The following CHD9 variants were observed in gnomAD, a reference collection of about 807,000 sequenced individuals.
CHD9 encodes the protein ATP-dependent chromatin remodeler CHD9.
In CHD9, 77 loss-of-function variants were observed where a neutral mutation model predicts 316.1. The ratio of observed to expected loss-of-function variants is 0.24; its 90% CI spans 0.20 to 0.29. CHD9 has a LOEUF of 0.29. Ranked by LOEUF, CHD9 falls within the 10% of genes least tolerant of loss-of-function variation. The pLI is 1.00. For synonymous variants in CHD9, 1,129 were observed against 1,158.3 expected (o/e 0.97, Z 0.51); for missense variants, 2,763 against 3,438.1 (o/e 0.80, Z 4.91).
chr16:53,304,296 A>C lies in CHD9; in HGVS notation c.6290A>C (p.Lys2097Thr), dbSNP rs1306586676. 8 of 1,611,864 alleles carry C rather than the reference A, an allele frequency of 5.0e-6. No homozygotes were observed. Among genetic ancestry groups the C allele is most frequent in the Non-Finnish European group, 6.8e-6 (8 of 1,179,766 alleles). ...ACTGGAGACCAGAAATCTGGTGGAAAATGTGAAACAGACAGACGCATGGTT... is the reference window on the plus strand; with the variant it reads ...ACTGGAGACCAGAAATCTGGTGGAACATGTGAAACAGACAGACGCATGGTT... ...QATGDQKSGG[K>T]CETDRRMVAA... The change falls in exon 31 of 39, where the codon AAA (lysine) becomes ACA (threonine). Residue 2097 changes from lysine (K) to threonine (T), a missense_variant. Around this residue, in one of 15 missense-constraint regions of CHD9, gnomAD observed 663 missense variants for 751.2 expected, o/e 0.88. Coordinates refer to ENST00000447540, the MANE Select transcript of CHD9 (RefSeq NM_001308319.2).
At chr16:53,056,335 G>A (rs979013175) in intron 1 of CHD9, among the ~76,000 whole-genome samples, 5 of 152,164 alleles carry the variant, frequency 3.3e-5, no homozygotes, top group African/African-American at 1.2e-4. Context: ...GTGAAAATCG[G>A]GTTGCCTTGG....
chr16:53,068,810 A>G (rs1009332107), intron 1 of CHD9, among the ~76,000 whole-genome samples: 1 of 152,144 alleles, frequency 6.6e-6, no homozygotes, highest in Admixed American at 6.5e-5. Flanking sequence ...AAGTAGGGGA[A>G]ATGCCATATC....
chr16:53,209,746 A>G lies in CHD9; in HGVS notation c.1717A>G (p.Lys573Glu). The G allele has an allele frequency of 6.2e-7, 1 of 1,613,502 alleles. No individual in the cohort carries two copies. The highest frequency in any genetic ancestry group is 8.5e-7 in the Non-Finnish European group (1 of 1,179,674). The change falls in exon 3 of 39, where the codon AAG (lysine) becomes GAG (glutamate). Residue 573 changes from lysine (K) to glutamate (E), a missense_variant. Physicochemically the swap from Lys to Glu is moderately conservative, Grantham distance 56. Transcript: ENST00000447540. ...AAAGAAAGGTAGAAGGATGAAATCC[A>G]AGCCAAAGGACAAAGACAGCAAAAA... is the stretch of plus-strand genomic sequence containing the variant. ...EEKKGRRMKS[K>E]PKDKDSKKTK...
At chr16:53,087,564 G>A (rs537379030) in intron 1 of CHD9, among the ~76,000 whole-genome samples, 6 of 152,248 alleles carry the variant, frequency 3.9e-5, no homozygotes, top group African/African-American at 7.2e-5. Flanking sequence ...TGTAAAGCAG[G>A]GGTTACAATA....
intron 1 of CHD9, among the ~76,000 whole-genome samples, chr16:53,068,442 T>A (rs1016509485): frequency 6.6e-6 from 1 of 152,110 alleles, no homozygotes; most frequent in African/African-American, 2.4e-5. Context: ...TGCCTCTCAG[T>A]CACACAGTAC....
intron 19 of CHD9, among the ~76,000 whole-genome samples, chr16:53,260,023 T>C (rs762928244): frequency 7.2e-5 from 11 of 152,194 alleles, no homozygotes; most frequent in Non-Finnish European, 1.6e-4. Context: ...TGTGAAAAAT[T>C]TGTTCTGAAA....
At chr16:53,146,215 G>A (rs1460220113) in intron 1 of CHD9, among the ~76,000 whole-genome samples, 11 of 125,568 alleles carry the variant, frequency 8.8e-5, no homozygotes, top group Admixed American at 5.0e-4. Context: ...GTGAAACCCC[G>A]TCTCTACTAA....
intron 1 of CHD9, among the ~76,000 whole-genome samples, chr16:53,147,531 A>G (rs771639936): frequency 1.9e-4 from 29 of 152,092 alleles, no homozygotes; most frequent in South Asian, 4.1e-4. Flanking sequence ...CCTAGCCCCA[A>G]TAACCTCTAA....
intron 2 of CHD9, among the ~76,000 whole-genome samples, chr16:53,166,098 C>G (rs2042251960): frequency 6.6e-6 from 1 of 152,086 alleles, no homozygotes; most frequent in African/African-American, 2.4e-5. Context: ...TGGACTACTT[C>G]TTGGTTTTGT....
At chr16:53,211,228 G>A (rs1329318925) in intron 3 of CHD9, among the ~76,000 whole-genome samples, 1 of 151,924 alleles carries the variant, frequency 6.6e-6, no homozygotes, top group African/African-American at 2.4e-5. Context: ...AACTTGGGAA[G>A]GAACAGCTAA....
chr16:53,235,069 A>G (rs756098109), intron 10 of CHD9, 116 bp from the exon 11 acceptor site: 1 of 671,968 alleles, frequency 1.5e-6, no homozygotes, highest in Non-Finnish European at 2.3e-6. Flanking sequence ...GTAAAAGTTA[A>G]TCATAACACT....
At chr16:53,194,314 A>T (rs1265383992) in intron 2 of CHD9, among the ~76,000 whole-genome samples, 2 of 152,184 alleles carry the variant, frequency 1.3e-5, no homozygotes, top group African/African-American at 4.8e-5. Context: ...GCAGTGGCTC[A>T]TGCCTATAAT....
intron 2 of CHD9, among the ~76,000 whole-genome samples, chr16:53,184,666 G>T (rs2043831820): frequency 1.3e-5 from 2 of 152,084 alleles, no homozygotes; most frequent in African/African-American, 4.8e-5. Flanking sequence ...AGTTAGATGG[G>T]TGCCATGTAG....
chr16:53,268,154 A>T, intron 22 of CHD9, 28 bp downstream of exon 22: 1 of 1,481,404 alleles, frequency 6.8e-7, no homozygotes. Context: ...TTTGCTTTTA[A>T]AATTTATTTT....
chr16:53,167,197 T>A (rs2042327517), intron 2 of CHD9, among the ~76,000 whole-genome samples: 1 of 152,224 alleles, frequency 6.6e-6, no homozygotes, highest in African/African-American at 2.4e-5. Context: ...AATTTTAATG[T>A]CTAAATTTTT....
Position 53,226,379 on chromosome 16 carries a change from A to G in CHD9, c.1910A>G (p.Asn637Ser). ...KDQDSQKRRS[N>S]RQIKRKKYAE... The stretch of plus-strand genomic sequence containing the variant: ...GGTTCATTACAGAAAAGAAGATCAA[A>G]TCGACAAATTAAAAGAAAAAAATAC... Residue 637 changes from asparagine (N) to serine (S), a missense_variant, in exon 5 of 39, where the codon AAT becomes AGT. Around this residue, in one of 15 missense-constraint regions of CHD9, gnomAD observed 859 missense variants for 890.4 expected, o/e 0.96. Transcript: ENST00000447540. 6.4e-7 allele frequency: 1 copy of G among 1,566,328 alleles called. No homozygotes were observed. Among genetic ancestry groups the G allele is most frequent in the Non-Finnish European group, 8.6e-7 (1 of 1,158,830 alleles).
At chr16:53,055,445 C>A (rs1374875087) in intron 1 of CHD9, among the ~76,000 whole-genome samples, 1 of 151,398 alleles carries the variant, frequency 6.6e-6, no homozygotes, top group African/African-American at 2.4e-5. Context: ...TGCCCGTTGG[C>A]GTTGCTTGGG....
chr16:53,249,768 G>A, intron 16 of CHD9, 103 bp from the exon 17 acceptor site: 3 of 909,920 alleles, frequency 3.3e-6, no homozygotes, highest in Non-Finnish European at 5.1e-6. Flanking sequence ...CTTAATTTTA[G>A]AGAAAACATA....
intron 1 of CHD9, among the ~76,000 whole-genome samples, chr16:53,077,572 C>T (rs548876932): frequency 6.6e-6 from 1 of 152,216 alleles, no homozygotes; most frequent in African/African-American, 2.4e-5. Flanking sequence ...CGTGATCCGC[C>T]TGCCTCAGAC....
Sources: allele counts gnomAD v4.1 joint callset (sites outside exome capture counted in the v4.1 genomes callset), GRCh38; gene constraint gnomAD v4.1.1; regional missense constraint gnomAD v4.1.1; transcripts MANE v1.5; gene names NCBI Gene and HGNC (gene_info 2026-07-23, HGNC 2026-07-21).